The following JAK2 variants were observed in gnomAD, a reference collection of about 807,000 sequenced individuals.
JAK2 encodes tyrosine-protein kinase JAK2.
Under a neutral mutation model 139.3 loss-of-function variants are expected in JAK2, and 86 were observed. The observed-to-expected ratio is 0.62, with a 90% CI of 0.52 to 0.74. JAK2 has a LOEUF of 0.74. Ranked by LOEUF, JAK2 falls within the 30% of genes least tolerant of loss-of-function variation. The probability of loss-of-function intolerance (pLI) is 0.00; values close to 1 mark genes in which losing one functional copy is unlikely to be tolerated. For synonymous variants in JAK2, 490 were observed against 437.7 expected (o/e 1.12, Z -1.49); for missense variants, 1,421 against 1,360.3 (o/e 1.04, Z -0.70).
intron 19 of JAK2, among the ~76,000 whole-genome samples, chr9:5,086,935 T>C (rs1440190560): frequency 3.3e-5 from 5 of 152,194 alleles, no homozygotes; most frequent in African/African-American, 4.8e-5. Flanking sequence ...TCACCCCCCC[T>C]TCCCTTGATT....
chr9:5,068,639 T>C (rs1004025237), intron 10 of JAK2, among the ~76,000 whole-genome samples: 5 of 152,076 alleles, frequency 3.3e-5, no homozygotes, highest in Admixed American at 1.3e-4. Flanking sequence ...GGAACGTAGG[T>C]TGTATGTTGG....
chr9:5,015,459 A>G (rs924177239), intron 2 of JAK2, among the ~76,000 whole-genome samples: 2 of 152,066 alleles, frequency 1.3e-5, no homozygotes, highest in Non-Finnish European at 2.9e-5. Flanking sequence ...AGTGAGTTAA[A>G]CGGCTGGCAC....
intron 2 of JAK2, among the ~76,000 whole-genome samples, chr9:5,020,141 C>G (rs1299862091): frequency 1.3e-5 from 2 of 152,128 alleles, no homozygotes; most frequent in African/African-American, 4.8e-5. Flanking sequence ...GAACCTCTGG[C>G]TGTCCAGTTG....
intron 19 of JAK2, among the ~76,000 whole-genome samples, chr9:5,083,135 T>C (rs1819828942): frequency 6.6e-6 from 1 of 152,202 alleles, no homozygotes; most frequent in Non-Finnish European, 1.5e-5. Context: ...TGTTAAGTGA[T>C]TCAGTGAAAT....
At chr9:5,036,143 A>T (rs1823583139) in intron 4 of JAK2, among the ~76,000 whole-genome samples, 1 of 152,344 alleles carries the variant, frequency 6.6e-6, no homozygotes, top group South Asian at 2.1e-4. Flanking sequence ...TGCTTCAAAG[A>T]GAATACCTAG....
At chr9:5,103,221 CAAAAAAAAAAAAAAAAAAAA>C (rs56691830) in intron 22 of JAK2, among the ~76,000 whole-genome samples, 9 of 6,852 alleles carry the variant, frequency 1.3e-3, no homozygotes, top group African/African-American at 2.4e-3. Flanking sequence ...AAAGGGAAAG[CAAAAAAAAAAAAAAAAAAAA>C]AAAAAAAAAA....
rs1037066286 is a variant in JAK2, at chr9:4,996,568, GT to G, written c.-26+10553del. Among the ~76,000 whole-genome samples the G allele has an allele frequency of 4.0e-5, 6 of 150,756 alleles. No individual in the cohort carries two copies. The South Asian group carries it at 1.1e-3, about 26-fold the overall frequency. The stretch of plus-strand genomic sequence containing the variant: ...TACATGAGGTATTGTAGATTTTTTG[GT>G]TTTTTTGAGGAGGGGCGGGGGTGAT... On this transcript the variant is annotated intron_variant, in intron 2 of 24. Transcript: ENST00000381652.
At chr9:5,114,989 C>A (rs1293822119) in intron 22 of JAK2, among the ~76,000 whole-genome samples, 2 of 152,106 alleles carry the variant, frequency 1.3e-5, no homozygotes, top group African/African-American at 4.8e-5. Context: ...TAGGCAATAC[C>A]ATTCAGGACA....
chr9:5,099,917 C>CG (rs1821334869), intron 22 of JAK2: 1 of 152,152 alleles, frequency 6.6e-6, no homozygotes, highest in Non-Finnish European at 1.5e-5. Context: ...TGCTTTAAAA[C>CG]GAAAAACTCC....
chr9:5,088,031 C>G (rs181035543), intron 19 of JAK2, among the ~76,000 whole-genome samples: 25 of 152,264 alleles, frequency 1.6e-4, no homozygotes, highest in Middle Eastern at 3.4e-3. Flanking sequence ...GAAGATAAAA[C>G]TTATTTCCTA....
At chr9:5,102,490 T>C (rs1360711354) in intron 22 of JAK2, among the ~76,000 whole-genome samples, 1 of 152,164 alleles carries the variant, frequency 6.6e-6, no homozygotes, top group Non-Finnish European at 1.5e-5. Flanking sequence ...CCAGGAGAAC[T>C]TCCCCGACCT....
chr9:4,998,382 G>T (rs536125028), intron 2 of JAK2, among the ~76,000 whole-genome samples: 1 of 152,098 alleles, frequency 6.6e-6, no homozygotes, highest in South Asian at 2.1e-4. Flanking sequence ...TCAGCCTCCC[G>T]AGTAACTGGG....
In JAK2 at chr9:5,090,733, C is replaced by G. The variant is rs760685821; in HGVS notation, c.2887-6C>G. Reference sequence around the variant, plus strand: ...ACTAGCTGAAAGAAAAATGTTTTATCCATAGGGTATGGAGTATCTTGGTAC... The same window carrying G: ...ACTAGCTGAAAGAAAAATGTTTTATGCATAGGGTATGGAGTATCTTGGTAC... On this transcript the variant is annotated splice_region_variant and splice_polypyrimidine_tract_variant and intron_variant, in intron 21 of 24. Coordinates refer to ENST00000381652, the MANE Select transcript of JAK2 (RefSeq NM_004972.4). 1 of 1,583,484 alleles carries G rather than the reference C, an allele frequency of 6.3e-7. No individual in the cohort carries two copies. Among genetic ancestry groups the G allele is most frequent in the Non-Finnish European group, 8.5e-7 (1 of 1,170,700 alleles).
At chr9:5,073,603 G>A in intron 13 of JAK2, 95 bp from the exon 14 acceptor site, 2 of 903,864 alleles carry the variant, frequency 2.2e-6, no homozygotes, top group East Asian at 2.4e-5. Context: ...CTGAAAGTAG[G>A]AGAAAGTGCA....
chr9:5,067,448 G>C (rs1437802200), intron 10 of JAK2, among the ~76,000 whole-genome samples: 1 of 151,880 alleles, frequency 6.6e-6, no homozygotes, highest in Non-Finnish European at 1.5e-5. Context: ...TTTTAAAACA[G>C]AGAAAAATAA....
intron 6 of JAK2, among the ~76,000 whole-genome samples, chr9:5,052,495 A>T (rs1393801470): frequency 6.6e-6 from 1 of 152,144 alleles, no homozygotes; most frequent in Non-Finnish European, 1.5e-5. Context: ...TTATTGAGAT[A>T]ATTTACAAAT....
chr9:5,082,962 A>T (rs1819816685), intron 19 of JAK2, among the ~76,000 whole-genome samples: 1 of 152,206 alleles, frequency 6.6e-6, no homozygotes, highest in Non-Finnish European at 1.5e-5. Flanking sequence ...TTCTACATAG[A>T]CACAGTAACA....
At chr9:5,106,968 C>T (rs1257684751) in intron 22 of JAK2, among the ~76,000 whole-genome samples, 1 of 152,124 alleles carries the variant, frequency 6.6e-6, no homozygotes, top group Non-Finnish European at 1.5e-5. Flanking sequence ...CAACATGGCA[C>T]ATGTATATCT....
intron 8 of JAK2, among the ~76,000 whole-genome samples, chr9:5,058,802 G>A (rs904279031): frequency 9.2e-5 from 14 of 152,034 alleles, no homozygotes; most frequent in Admixed American, 5.2e-4. Context: ...GTTGCTGAGC[G>A]TCTTTTCATA....
Sources: gnomAD v4.1 joint callset for allele counts (sites outside exome capture counted in the v4.1 genomes callset) on GRCh38, gnomAD v4.1.1 for gene constraint, MANE v1.5 for transcripts, NCBI Gene and HGNC (gene_info 2026-07-23, HGNC 2026-07-21) for gene names.